The following RBFOX3 variants were observed in gnomAD, a reference collection of about 807,000 sequenced individuals.
The protein encoded by RBFOX3 is RNA binding fox-1 homolog 3, also known as RNA binding protein fox-1 homolog 3.
In RBFOX3, 17 loss-of-function variants were observed where a neutral mutation model predicts 48.7. The observed-to-expected ratio is 0.35, with a 90% confidence interval of 0.24 to 0.52. RBFOX3 has a LOEUF of 0.52. Ranked by LOEUF, RBFOX3 falls within the 20% of genes least tolerant of loss-of-function variation. RBFOX3 has a pLI of 0.94. For synonymous variants in RBFOX3, 212 were observed against 209.5 expected, an observed-to-expected ratio of 1.01 and a Z score of -0.10; for missense variants, 382 against 497.5, an observed-to-expected ratio of 0.77 and a Z score of 2.21.
chr17:79,287,307 C>T (rs1217001408), intron 3 of RBFOX3, among the ~76,000 whole-genome samples: 1 of 152,226 alleles, frequency 6.6e-6, no homozygotes, highest in Non-Finnish European at 1.5e-5. Flanking sequence ...TCCCTGACCC[C>T]CATAGCACTC....
At chr17:79,452,650 G>A (rs559784792) in intron 2 of RBFOX3, among the ~76,000 whole-genome samples, 1 of 152,272 alleles carries the variant, frequency 6.6e-6, no homozygotes, top group African/African-American at 2.4e-5. Flanking sequence ...GGAGGCTCCA[G>A]GAAGAAAGAA....
intron 2 of RBFOX3, among the ~76,000 whole-genome samples, chr17:79,453,395 G>A (rs1555742850): frequency 6.6e-6 from 1 of 152,198 alleles, no homozygotes; most frequent in Non-Finnish European, 1.5e-5. Context: ...CCTCCTGGCG[G>A]CAGATGGGGA....
At chr17:79,224,796 G>A (rs1339590962) in intron 4 of RBFOX3, among the ~76,000 whole-genome samples, 1 of 152,190 alleles carries the variant, frequency 6.6e-6, no homozygotes, top group Non-Finnish European at 1.5e-5. Flanking sequence ...CAGCCCCTGA[G>A]TCTTCTTTCT....
chr17:79,455,303 G>A (rs112654602), intron 2 of RBFOX3, among the ~76,000 whole-genome samples: 4 of 152,212 alleles, frequency 2.6e-5, no homozygotes, highest in African/African-American at 9.7e-5. Flanking sequence ...CTGAGCAGTG[G>A]CATCTGGGGA....
chr17:79,396,700 T>C (rs1398347790), intron 2 of RBFOX3, among the ~76,000 whole-genome samples: 1 of 152,234 alleles, frequency 6.6e-6, no homozygotes, highest in Non-Finnish European at 1.5e-5. Flanking sequence ...TAGGCCCACC[T>C]ACTGCTCGGA....
At position 79,476,442 on chromosome 17, in the gene RBFOX3, A is replaced by G. The variant is rs2077772674; in HGVS notation, c.-175+6012T>C. On this transcript the variant is annotated intron_variant, in intron 2 of 14. Coordinates refer to ENST00000693108, the MANE Select transcript of RBFOX3 (RefSeq NM_001350451.2). The stretch of plus-strand genomic sequence containing the variant: ...TTCAGCCAACAAGTATAGGGCAAAG[A>G]AAAGGATAGAGGCAAAGCCAAAAGC... Among the ~76,000 whole-genome samples, 4 of 152,246 alleles carry G rather than the reference A, an allele frequency of 2.6e-5. No individual in the cohort carries two copies. The South Asian group carries it at 8.3e-4, about 31-fold the overall frequency.
intron 3 of RBFOX3, among the ~76,000 whole-genome samples, chr17:79,291,242 T>C: frequency 6.6e-6 from 1 of 152,212 alleles, no homozygotes; most frequent in East Asian, 1.9e-4. Context: ...ATAGGATCAA[T>C]GGAGCATTCT....
intron 4 of RBFOX3, among the ~76,000 whole-genome samples, chr17:79,133,040 TGGGTGG>T: frequency 6.6e-6 from 1 of 152,130 alleles, no homozygotes; most frequent in Non-Finnish European, 1.5e-5. Context: ...CTGCCAAGGC[TGGGTGG>T]GCCTCAAACC....
chr17:79,317,240 C>G (rs1264899398), intron 2 of RBFOX3, among the ~76,000 whole-genome samples: 1 of 152,210 alleles, frequency 6.6e-6, no homozygotes, highest in Non-Finnish European at 1.5e-5. Context: ...CATTCGTATT[C>G]CAAAGTCTGC....
chr17:79,211,934 G>C (rs2058435485), intron 4 of RBFOX3, among the ~76,000 whole-genome samples: 1 of 152,144 alleles, frequency 6.6e-6, no homozygotes, highest in African/African-American at 2.4e-5. Flanking sequence ...ATACGTGGGG[G>C]GGAACAAGAC....
Position 79,520,199 on chromosome 17 carries a change from G to A in RBFOX3, c.-319-37601C>T, listed in dbSNP as rs1403969586. Among the ~76,000 whole-genome samples the A allele has an allele frequency of 3.3e-5, 5 of 152,336 alleles. No individual in the cohort carries two copies. In the South Asian group the frequency reaches 1.0e-3, roughly 32 times the overall value. ...TCCCCTGTGGAGTGGGGCTCACCGG[G>A]CAATGTGTCAGCCAGTGGCAGTGTG... On this transcript the variant is annotated intron_variant, in intron 1 of 14. Transcript: ENST00000693108.
At chr17:79,583,616 C>T (rs2093148076) in intron 1 of RBFOX3, among the ~76,000 whole-genome samples, 1 of 152,076 alleles carries the variant, frequency 6.6e-6, no homozygotes, top group African/African-American at 2.4e-5. Flanking sequence ...GGAGGCACTC[C>T]AAGCAGGAGC....
the RBFOX3 span, among the ~76,000 whole-genome samples, chr17:79,620,670 C>A: frequency 1.5e-5 from 2 of 137,372 alleles, no homozygotes; most frequent in Non-Finnish European, 2.9e-5. Flanking sequence ...CACGCACATG[C>A]ACACACGCAC....
chr17:79,103,940 G>A lies in RBFOX3; in HGVS notation c.414+133C>T. 1.4e-6 allele frequency: 1 copy of A among 722,248 alleles called. No homozygotes were observed. Among genetic ancestry groups the A allele is most frequent in the South Asian group, 1.7e-5 (1 of 59,980 alleles). The allele number at this position is 722,248 out of a possible 1,614,324, so 44.7% of individuals were successfully genotyped here. On this transcript the variant is annotated intron_variant, in intron 7 of 14. Coordinates refer to ENST00000693108, the MANE Select transcript of RBFOX3 (RefSeq NM_001350451.2). This position sits in a 1 kb window ranked among gnomAD's most constrained non-coding sequence, Gnocchi z 6.1. ...GGGGCGGGTGGGGGCGGAAGAGCGG[G>A]GAATACAAGCACCCGTGTCGCTCAG...
chr17:79,119,008 TAA>T (rs71884892), intron 4 of RBFOX3, among the ~76,000 whole-genome samples: 16,100 of 140,276 alleles, frequency 0.11, 1,052 homozygotes, highest in South Asian at 0.21. Context: ...GAAAATAAAA[TAA>T]AAAAGAAAGC....
At chr17:79,372,009 G>A (rs934956608) in intron 2 of RBFOX3, among the ~76,000 whole-genome samples, 3 of 152,128 alleles carry the variant, frequency 2.0e-5, no homozygotes, top group Non-Finnish European at 4.4e-5. Flanking sequence ...CCCCGCAGAC[G>A]CTTCAGTTAC....
intron 4 of RBFOX3, among the ~76,000 whole-genome samples, chr17:79,194,752 G>GT (rs57023675): frequency 0.44 from 28,430 of 65,298 alleles, 3,021 homozygotes; most frequent in South Asian, 0.57. Flanking sequence ...CTGTGTGTGT[G>GT]GGTGTGTGTG....
Position 79,554,610 on chromosome 17 carries a change from T to C in RBFOX3, c.-320+56216A>G, listed in dbSNP as rs990292307. On this transcript the variant is annotated intron_variant, in intron 1 of 14. Transcript: ENST00000693108. ...TGCCTTCCCCAGCAGGCTGGGCTCC[T>C]AGGAGGTGGGGACCACGTCCTGCTC... is the stretch of plus-strand genomic sequence containing the variant. 4.1e-4 allele frequency among the ~76,000 whole-genome samples: 62 copies of C among 152,310 alleles called. No individual in the cohort carries two copies. The East Asian group carries it at 9.3e-3, about 23-fold the overall frequency.
At chr17:79,166,342 G>A (rs2048010988) in intron 4 of RBFOX3, among the ~76,000 whole-genome samples, 1 of 152,192 alleles carries the variant, frequency 6.6e-6, no homozygotes, top group South Asian at 2.1e-4. Flanking sequence ...AGCCCGCCAG[G>A]AGCTGTAGCC....
Sources: allele counts gnomAD v4.1 joint callset (sites outside exome capture counted in the v4.1 genomes callset), GRCh38; gene constraint gnomAD v4.1.1; non-coding constraint Gnocchi (gnomAD v3.1); transcripts MANE v1.5; gene names NCBI Gene and HGNC (gene_info 2026-07-23, HGNC 2026-07-21).